CIROZ: variants seen among roughly 807,000 people sequenced by gnomAD.
CIROZ encodes the protein ciliated left-right organizer protein containing ZP-N domains.
the CIROZ span, chr1:10,954,054 A>G: frequency 1.2e-6 from 2 of 1,613,706 alleles, no homozygotes; most frequent in Non-Finnish European, 1.7e-6. Context: ...TGTCCAGAGG[A>G]CCGGGGCAGC....
the CIROZ span, chr1:10,954,002 C>G: frequency 6.2e-7 from 1 of 1,605,526 alleles, no homozygotes; most frequent in Non-Finnish European, 8.5e-7. Context: ...GTCACACCCT[C>G]ATGGTGCCTC....
At chr1:10,958,871 G>T in the CIROZ span, 1 of 943,930 alleles carries the variant, frequency 1.1e-6, no homozygotes, top group Non-Finnish European at 1.6e-6. Flanking sequence ...TGAGAGAGCT[G>T]TGCCGCAGGG....
the CIROZ span, chr1:10,969,957 G>A: frequency 0.09 from 137,452 of 1,523,128 alleles, 8,351 homozygotes; most frequent in East Asian, 0.27. Flanking sequence ...CCCAGCCACC[G>A]ACCACCTCTT....
chr1:10,968,942 A>G, the CIROZ span, among the ~76,000 whole-genome samples: 1 of 152,242 alleles, frequency 6.6e-6, no homozygotes, highest in South Asian at 2.1e-4. Flanking sequence ...GTTTTCCATT[A>G]ATAATGGCTC....
At chr1:10,970,771 T>C in the CIROZ span, among the ~76,000 whole-genome samples, 1 of 151,898 alleles carries the variant, frequency 6.6e-6, no homozygotes, top group African/African-American at 2.4e-5. Context: ...ACACTTTGAG[T>C]AGCAAAGTCT....
chr1:10,954,994 A>G, the CIROZ span: 1 of 1,602,592 alleles, frequency 6.2e-7, no homozygotes, highest in Non-Finnish European at 8.5e-7. Flanking sequence ...ACTCACCTGG[A>G]CCTGGAGCAC....
chr1:10,967,023 C>T, the CIROZ span, among the ~76,000 whole-genome samples: 1 of 152,008 alleles, frequency 6.6e-6, no homozygotes, highest in Non-Finnish European at 1.5e-5. Context: ...GTGGTGCCCG[C>T]CTGTAATTCG....
At chr1:10,954,892 C>G in the CIROZ span, 10 of 1,329,402 alleles carry the variant, frequency 7.5e-6, no homozygotes, top group African/African-American at 1.5e-4. Flanking sequence ...TGTGACTGGC[C>G]TACCTTCCAT....
chr1:10,960,618 T>C, the CIROZ span, among the ~76,000 whole-genome samples: 17 of 152,358 alleles, frequency 1.1e-4, no homozygotes, highest in Non-Finnish European at 2.4e-4. The surrounding 1 kb of genome is among the most constrained non-coding windows in gnomAD (Gnocchi z 4.6). Context: ...GAATAGTTAT[T>C]GCGCGGCCTC....
the CIROZ span, chr1:10,955,315 C>T: frequency 1.3e-6 from 1 of 770,846 alleles, no homozygotes; most frequent in Non-Finnish European, 2.0e-6. Flanking sequence ...CAGTCAGTGA[C>T]AGCAAGTTAC....
At chr1:10,951,745 A>AAAAAAAAAAAATATATATATATAT in the CIROZ span, among the ~76,000 whole-genome samples, 3 of 119,206 alleles carry the variant, frequency 2.5e-5, no homozygotes, top group African/African-American at 1.1e-4. Flanking sequence ...AAAAAAAAAA[A>AAAAAAAAAAAATATATATATATAT]ATATATATAT....
At chr1:10,981,953 G>GT in the CIROZ span, 7 of 1,527,872 alleles carry the variant, frequency 4.6e-6, no homozygotes, top group Admixed American at 1.4e-4. Flanking sequence ...TCTTCAAGGA[G>GT]TGTGGGCACA....
the CIROZ span, among the ~76,000 whole-genome samples, chr1:10,968,534 G>C: frequency 6.6e-6 from 1 of 152,158 alleles, no homozygotes; most frequent in African/African-American, 2.4e-5. Flanking sequence ...TAGCTCGCTG[G>C]GGAAATAAAG....
At chr1:10,976,252 C>T in the CIROZ span, 25 of 1,535,424 alleles carry the variant, frequency 1.6e-5, no homozygotes, top group Middle Eastern at 4.0e-4. Flanking sequence ...GCAAGCCAGA[C>T]GGCCCTGCGG....
the CIROZ span, among the ~76,000 whole-genome samples, chr1:10,975,113 A>G: frequency 2.5e-4 from 38 of 152,152 alleles, no homozygotes; most frequent in Admixed American, 6.6e-5. Context: ...CTCTACTAAA[A>G]ATACAAAAAT....
chr1:10,965,966 T>C, the CIROZ span, among the ~76,000 whole-genome samples: 4 of 152,242 alleles, frequency 2.6e-5, no homozygotes, highest in African/African-American at 9.6e-5. Flanking sequence ...ATTTATTCAC[T>C]TCATTCAGCA....
At chr1:10,971,747 A>C in the CIROZ span, among the ~76,000 whole-genome samples, 18 of 152,140 alleles carry the variant, frequency 1.2e-4, no homozygotes, top group Non-Finnish European at 2.4e-4. Flanking sequence ...GTTGTCTCGC[A>C]CTGAGGCAAA....
At chr1:10,958,702 G>A in the CIROZ span, 1 of 1,614,090 alleles carries the variant, frequency 6.2e-7, no homozygotes, top group Admixed American at 1.7e-5. Context: ...TACTTCAATG[G>A]GGCCCGCTTA....
chr1:10,947,397 C>T, the CIROZ span, among the ~76,000 whole-genome samples: 1 of 152,250 alleles, frequency 6.6e-6, no homozygotes, highest in Non-Finnish European at 1.5e-5. Flanking sequence ...TTCACCCCTC[C>T]CTCTGGGTTC....
Sources: gnomAD v4.1 joint callset for allele counts (sites outside exome capture counted in the v4.1 genomes callset) on GRCh38, gnomAD v4.1.1 for gene constraint, Gnocchi (gnomAD v3.1) non-coding constraint, MANE v1.5 for transcripts, NCBI Gene and HGNC (gene_info 2026-07-23, HGNC 2026-07-21) for gene names.